Variants in LPGAT1 observed in about 807,000 individuals in gnomAD.
The protein encoded by LPGAT1 is acyl-CoA:lysophosphatidylglycerol acyltransferase 1.
Under a neutral mutation model 47.5 loss-of-function variants are expected in LPGAT1, and 11 were observed. That is an observed-to-expected ratio of 0.23 (90% CI 0.15 to 0.38). The LOEUF (loss-of-function observed/expected upper bound fraction) is 0.38, where lower values mean the gene tolerates loss of function less well. Among genes scored for constraint, LPGAT1 ranks in the 10% least tolerant of loss-of-function variants. LPGAT1 has a pLI of 1.00. For missense variants in LPGAT1, 293 were observed against 439.0 expected (o/e 0.67, Z 2.97); for synonymous variants, 138 against 144.2 (o/e 0.96, Z 0.31).
chr1:211,808,443 G>A (rs1659845953), intron 2 of LPGAT1, among the ~76,000 whole-genome samples: 1 of 150,992 alleles, frequency 6.6e-6, no homozygotes, highest in Non-Finnish European at 1.5e-5. Flanking sequence ...CTTCACCAAA[G>A]AGAACACAGA....
At chr1:211,778,359 A>AC (rs1558264292) in intron 6 of LPGAT1, among the ~76,000 whole-genome samples, 4 of 148,664 alleles carry the variant, frequency 2.7e-5, no homozygotes, top group African/African-American at 7.4e-5. Flanking sequence ...AAAAAAAAAA[A>AC]AAAAAAAAAA....
intron 6 of LPGAT1, among the ~76,000 whole-genome samples, chr1:211,756,957 A>G (rs1266677364): frequency 2.0e-5 from 3 of 148,612 alleles, no homozygotes; most frequent in Non-Finnish European, 4.4e-5. Flanking sequence ...TGGCCTAGTG[A>G]TTAAGCATAC....
chr1:211,815,656 C>T (rs1015016937), intron 2 of LPGAT1, among the ~76,000 whole-genome samples: 1 of 152,092 alleles, frequency 6.6e-6, no homozygotes, highest in East Asian at 1.9e-4. Context: ...CACTACAAAG[C>T]TTTAAAGGAT....
chr1:211,823,346 A>G (rs1457897113), intron 2 of LPGAT1, among the ~76,000 whole-genome samples: 1 of 152,200 alleles, frequency 6.6e-6, no homozygotes, highest in African/African-American at 2.4e-5. Flanking sequence ...CACCACAAAT[A>G]TACATATTCC....
intron 2 of LPGAT1, among the ~76,000 whole-genome samples, chr1:211,798,169 A>C (rs1659423745): frequency 6.6e-6 from 1 of 152,212 alleles, no homozygotes; most frequent in South Asian, 2.1e-4. Context: ...TATGCCCGCA[A>C]GCTGATGCAA....
rs116300834 is a variant in LPGAT1 at position 211,822,495 on chromosome 1, G to A, written c.238+6564C>T. ...TGGATTTACGTCAAGATCAGTCGTC[G>A]GCCAGGCGCAGTGACTCACACCTGT... is the stretch of plus-strand genomic sequence containing the variant. On this transcript the variant is annotated intron_variant, in intron 2 of 7. Transcript: ENST00000366997. Among the ~76,000 whole-genome samples the A allele has an allele frequency of 9.0e-3, 1,362 of 152,050 alleles. 24 individuals are homozygous for A. Among genetic ancestry groups the A allele is most frequent in the African/African-American group, 0.031 (1,269 of 41,462 alleles).
intron 2 of LPGAT1, among the ~76,000 whole-genome samples, chr1:211,804,348 C>A (rs1416120291): frequency 6.6e-6 from 1 of 151,970 alleles, no homozygotes; most frequent in Non-Finnish European, 1.5e-5. Context: ...CTACACCTGA[C>A]AAAAATTTAT....
At chr1:211,766,290 G>A (rs984810315) in intron 6 of LPGAT1, among the ~76,000 whole-genome samples, 1 of 152,122 alleles carries the variant, frequency 6.6e-6, no homozygotes, top group Admixed American at 6.6e-5. Context: ...ACAGACAGCA[G>A]ACTGTGGGAC....
At chr1:211,819,375 G>A (rs914379480) in intron 2 of LPGAT1, among the ~76,000 whole-genome samples, 6 of 152,040 alleles carry the variant, frequency 3.9e-5, no homozygotes, top group East Asian at 1.9e-4. Flanking sequence ...CATGCCTGTC[G>A]TCTTAGCTAC....
At chr1:211,775,425 T>C (rs1295157331) in intron 6 of LPGAT1, among the ~76,000 whole-genome samples, 3 of 152,204 alleles carry the variant, frequency 2.0e-5, no homozygotes, top group Non-Finnish European at 4.4e-5. Flanking sequence ...TGCATAACAA[T>C]GTAATATCCC....
intron 2 of LPGAT1, among the ~76,000 whole-genome samples, chr1:211,819,821 C>T (rs1051073111): frequency 1.3e-5 from 2 of 152,048 alleles, no homozygotes; most frequent in African/African-American, 2.4e-5. Flanking sequence ...CCCGACTCTA[C>T]TAAAAATACA....
intron 6 of LPGAT1, among the ~76,000 whole-genome samples, chr1:211,756,262 A>T (rs1008148401): frequency 7.2e-5 from 11 of 152,160 alleles, no homozygotes; most frequent in Non-Finnish European, 7.4e-5. Flanking sequence ...AAACAAAAAA[A>T]ATCCCCTATC....
rs527241774 is a variant in LPGAT1 at position 211,793,518 on chromosome 1, T to C, written c.239-328A>G. ...TGCGATCTTGGCTCACTGCAACCTC[T>C]ACCTCCCGGGTTCAAGCAATTCTCC... On this transcript the variant is annotated intron_variant, in intron 2 of 7. Transcript: ENST00000366997. 6.6e-5 allele frequency among the ~76,000 whole-genome samples: 10 copies of C among 152,000 alleles called. No homozygotes were observed. In the South Asian group the frequency reaches 1.5e-3, roughly 22 times the overall value.
chr1:211,817,336 C>T (rs1300901152), intron 2 of LPGAT1, among the ~76,000 whole-genome samples: 3 of 152,188 alleles, frequency 2.0e-5, no homozygotes, highest in Admixed American at 6.5e-5. Context: ...CTTTGGGAGG[C>T]AGAGGCAGGT....
intron 6 of LPGAT1, among the ~76,000 whole-genome samples, chr1:211,754,998 A>C (rs543259587): frequency 3.9e-4 from 57 of 147,350 alleles, no homozygotes; most frequent in African/African-American, 1.4e-3. Flanking sequence ...CAGGCGACAG[A>C]GTAAGACTCA....
At chr1:211,779,449 A>T (rs1362258323) in intron 5 of LPGAT1, among the ~76,000 whole-genome samples, 1 of 152,194 alleles carries the variant, frequency 6.6e-6, no homozygotes, top group East Asian at 1.9e-4. Context: ...AATATAATAT[A>T]ATATAAACAC....
chr1:211,799,391 A>G (rs1659476545), intron 2 of LPGAT1, among the ~76,000 whole-genome samples: 1 of 152,208 alleles, frequency 6.6e-6, no homozygotes, highest in African/African-American at 2.4e-5. Context: ...CAAAATTCCA[A>G]ATATGCAGAT....
intron 6 of LPGAT1, among the ~76,000 whole-genome samples, chr1:211,752,380 A>C (rs566221497): frequency 9.2e-5 from 14 of 152,278 alleles, no homozygotes; most frequent in Admixed American, 4.6e-4. Flanking sequence ...AAACACTTTA[A>C]ATCTTGAGAG....
chr1:211,794,393 C>T (rs1241064360), intron 2 of LPGAT1, among the ~76,000 whole-genome samples: 1 of 152,104 alleles, frequency 6.6e-6, no homozygotes, highest in Non-Finnish European at 1.5e-5. Flanking sequence ...CTTCAAGCTC[C>T]CTGGGCTCAG....
Sources: gnomAD v4.1 joint callset for allele counts (sites outside exome capture counted in the v4.1 genomes callset) on GRCh38, gnomAD v4.1.1 for gene constraint, MANE v1.5 for transcripts, NCBI Gene and HGNC (gene_info 2026-07-23, HGNC 2026-07-21) for gene names.